The following GRAMD2B variants were observed in gnomAD, a reference collection of about 807,000 sequenced individuals.
GRAMD2B encodes GRAM domain-containing protein 2B.
In GRAMD2B, 41 loss-of-function variants were observed where a neutral mutation model predicts 59.2. The ratio of observed to expected loss-of-function variants is 0.69; its 90% CI spans 0.54 to 0.90. The LOEUF is 0.90. GRAMD2B is among the 40% of genes least tolerant of loss of function. The probability of loss-of-function intolerance (pLI) is 0.00; values close to 1 mark genes in which losing one functional copy is unlikely to be tolerated. For missense variants in GRAMD2B, 424 were observed against 500.5 expected, an observed-to-expected ratio of 0.85 and a Z score of 1.46; for synonymous variants, 161 against 182.7, an observed-to-expected ratio of 0.88 and a Z score of 0.96.
chr5:126,419,869 A>G (rs541759066), upstream of GRAMD2B, among the ~76,000 whole-genome samples: 5 of 152,210 alleles, frequency 3.3e-5, no homozygotes, highest in East Asian at 9.7e-4. Flanking sequence ...AGCCTGGCCA[A>G]TATGGTGAAA....
intron 1 of GRAMD2B, among the ~76,000 whole-genome samples, chr5:126,441,402 A>G (rs1763269673): frequency 6.6e-6 from 1 of 152,248 alleles, no homozygotes; most frequent in South Asian, 2.1e-4. Flanking sequence ...TTGGCGCTGC[A>G]GAGGAAAGCA....
intron 13 of GRAMD2B, among the ~76,000 whole-genome samples, chr5:126,491,361 G>A (rs997511316): frequency 1.3e-5 from 2 of 152,198 alleles, no homozygotes; most frequent in African/African-American, 4.8e-5. Context: ...TATTTTCTTA[G>A]TTCTGGAAGT....
chr5:126,444,076 T>C (rs1318628796), intron 1 of GRAMD2B, among the ~76,000 whole-genome samples: 2 of 149,386 alleles, frequency 1.3e-5, no homozygotes, highest in African/African-American at 4.9e-5. Flanking sequence ...AGAGAGGCCT[T>C]CCAGCACTCC....
intron 1 of GRAMD2B, among the ~76,000 whole-genome samples, chr5:126,364,001 TA>T (rs1238324825): frequency 2.6e-5 from 4 of 152,130 alleles, no homozygotes; most frequent in Non-Finnish European, 4.4e-5. Context: ...AATAAGGCTT[TA>T]AAAAAACTCT....
At chr5:126,374,414 A>C (rs1339974070) in intron 1 of GRAMD2B, among the ~76,000 whole-genome samples, 3 of 152,188 alleles carry the variant, frequency 2.0e-5, no homozygotes, top group Non-Finnish European at 4.4e-5. Flanking sequence ...GAAAGAGGTC[A>C]CTATCGTTTT....
upstream of GRAMD2B, among the ~76,000 whole-genome samples, chr5:126,421,555 G>A (rs1004363945): frequency 6.6e-6 from 1 of 152,196 alleles, no homozygotes; most frequent in African/African-American, 2.4e-5. Context: ...AAAGCAGTCA[G>A]TGGTCAGGAA....
At chr5:126,409,332 C>T (rs1341431423) in intron 1 of GRAMD2B, among the ~76,000 whole-genome samples, 1 of 152,220 alleles carries the variant, frequency 6.6e-6, no homozygotes, top group East Asian at 1.9e-4. Context: ...TATTTCTCCA[C>T]ATCCTCTCCA....
chr5:126,364,380 A>T lies in GRAMD2B; in HGVS notation c.128+3921A>T, dbSNP rs567772520. On this transcript the variant is annotated intron_variant, in intron 1 of 13. Transcript: ENST00000513040. ...AAATTTTGAAATATTATAATTAATG[A>T]TGGAACCTAACACAGCTAATGCCTC... Among the ~76,000 whole-genome samples, 4 of 152,350 alleles carry T rather than the reference A, an allele frequency of 2.6e-5. No homozygotes were observed. In the East Asian group the frequency reaches 5.8e-4, roughly 22 times the overall value.
Position 126,480,637 on chromosome 5 carries a change from T to C in GRAMD2B, c.665T>C (p.Val222Ala). The C allele has an allele frequency of 6.2e-7, 1 of 1,614,088 alleles. No individual in the cohort carries two copies. Among genetic ancestry groups the C allele is most frequent in the Non-Finnish European group, 8.5e-7 (1 of 1,179,910 alleles). ...TTCCAATAATTTCAGAATACAAGTG[T>C]TGGTAACAGTCCCAATCCATCTTCT... Reference protein sequence around the residue: ...SVCGHLENTSVGNSPNPSSAE... With the variant: ...SVCGHLENTSAGNSPNPSSAE... Residue 222 changes from valine to alanine, a missense_variant, in exon 8 of 14, where the codon GTT (valine) becomes GCT (alanine). Transcript: ENST00000285689.
chr5:126,489,805 T>C (rs1773597254), intron 13 of GRAMD2B, among the ~76,000 whole-genome samples: 1 of 137,744 alleles, frequency 7.3e-6, no homozygotes, highest in Non-Finnish European at 1.6e-5. Context: ...TTAGAGAGAA[T>C]TCAGTGTTCA....
intron 8 of GRAMD2B, chr5:126,481,049 A>G (rs1771642220): frequency 3.4e-6 from 1 of 297,406 alleles, no homozygotes; most frequent in African/African-American, 2.2e-5. Context: ...GGACTGAATC[A>G]TCCCACAAAT....
At chr5:126,375,453 CT>C (rs1755097401) in intron 1 of GRAMD2B, among the ~76,000 whole-genome samples, 1 of 151,902 alleles carries the variant, frequency 6.6e-6, no homozygotes, top group Admixed American at 6.6e-5. Flanking sequence ...ACTGCAAGCT[CT>C]GCCTTCCTGG....
chr5:126,446,723 C>T (rs945929388), intron 1 of GRAMD2B, among the ~76,000 whole-genome samples: 8 of 151,022 alleles, frequency 5.3e-5, no homozygotes, highest in Admixed American at 2.6e-4. Flanking sequence ...GGTGTGGAGG[C>T]GAGGAAACTG....
Position 126,360,386 on chromosome 5 carries a change from C to T in GRAMD2B, c.55C>T (p.Gln19Ter), listed in dbSNP as rs1754162505. The change falls in exon 1 of 14, where the codon CAA becomes TAA. Residue 19 changes from glutamine to a stop codon, truncating the protein, a stop_gained. Coordinates refer to the GRAMD2B transcript ENST00000513040. LOFTEE classifies it high-confidence loss of function. ...AAAAAGGAGCATTCAGCAAACATTC[C>T]AAGCACAGCTTATGCCCTGGAAGAG... The T allele has an allele frequency of 6.4e-7, 1 of 1,551,282 alleles. No homozygotes were observed. The highest frequency in any genetic ancestry group is 2.0e-5 in the Admixed American group (1 of 50,978).
At chr5:126,409,317 G>A (rs1337472683) in intron 1 of GRAMD2B, among the ~76,000 whole-genome samples, 1 of 152,150 alleles carries the variant, frequency 6.6e-6, no homozygotes, top group East Asian at 1.9e-4. Context: ...GTGTAAAAGT[G>A]TTCCTATTTC....
intron 1 of GRAMD2B, among the ~76,000 whole-genome samples, chr5:126,393,563 T>G (rs796499821): frequency 1.9e-4 from 29 of 152,320 alleles, no homozygotes; most frequent in African/African-American, 7.0e-4. Flanking sequence ...CTGTAAGGCA[T>G]GTGGAAACCC....
intron 1 of GRAMD2B, among the ~76,000 whole-genome samples, chr5:126,376,964 C>T (rs1347417312): frequency 3.3e-5 from 5 of 151,722 alleles, no homozygotes; most frequent in Non-Finnish European, 7.4e-5. Flanking sequence ...AGGAGGTTGT[C>T]AGAGGACTAG....
At chr5:126,421,013 T>C (rs1335823761), upstream of GRAMD2B, among the ~76,000 whole-genome samples, 1 of 152,160 alleles carries the variant, frequency 6.6e-6, no homozygotes, top group African/African-American at 2.4e-5. Context: ...ATTCCACTAA[T>C]GTGAGGTACC....
intron 1 of GRAMD2B, among the ~76,000 whole-genome samples, chr5:126,401,079 G>C (rs996329523): frequency 1.1e-4 from 16 of 151,860 alleles, no homozygotes; most frequent in African/African-American, 3.6e-4. Flanking sequence ...TATAGGTTTG[G>C]TTGATGGTGT....
Sources: gnomAD v4.1 joint callset for allele counts (sites outside exome capture counted in the v4.1 genomes callset) on GRCh38, gnomAD v4.1.1 for gene constraint, MANE v1.5 for transcripts, NCBI Gene and HGNC (gene_info 2026-07-23, HGNC 2026-07-21) for gene names.